CNTNAP5: variants seen among roughly 807,000 people sequenced by gnomAD.
CNTNAP5 encodes contactin associated protein family member 5, also known as contactin-associated protein-like 5.
A neutral mutation model predicts 150.2 loss-of-function variants in CNTNAP5; 72 were observed. The ratio of observed to expected loss-of-function variants is 0.48; its 90% CI spans 0.40 to 0.58. The LOEUF (loss-of-function observed/expected upper bound fraction) is 0.58, where lower values mean the gene tolerates loss of function less well. Among genes scored for constraint, CNTNAP5 ranks in the 20% least tolerant of loss-of-function variants. The pLI, the probability that CNTNAP5 is intolerant of heterozygous loss-of-function variation, is 0.00. For missense variants in CNTNAP5, 1,636 were observed against 1,626.2 expected (o/e 1.01, Z -0.10); for synonymous variants, 672 against 619.8 (o/e 1.08, Z -1.25).
chr2:124,605,809 CAAA>C (rs36090348), intron 11 of CNTNAP5, among the ~76,000 whole-genome samples: 1 of 34,430 alleles, frequency 2.9e-5, no homozygotes, highest in African/African-American at 1.4e-4. Flanking sequence ...AAGACTCTGT[CAAA>C]AAAAAAAAAA....
At chr2:124,328,338 G>A (rs1419625210) in intron 3 of CNTNAP5, among the ~76,000 whole-genome samples, 4 of 152,166 alleles carry the variant, frequency 2.6e-5, no homozygotes, top group Non-Finnish European at 4.4e-5. Context: ...CCATGCATGA[G>A]GCAGTGGGTT....
At chr2:124,763,863 C>T in intron 15 of CNTNAP5, 64 bp downstream of exon 15, 1 of 1,606,626 alleles carries the variant, frequency 6.2e-7, no homozygotes, top group Non-Finnish European at 8.5e-7. Flanking sequence ...TTCTTACTCC[C>T]TTATCCCTTT....
intron 1 of CNTNAP5, among the ~76,000 whole-genome samples, chr2:124,029,007 AATAAGT>A (rs1680969933): frequency 6.6e-6 from 1 of 152,168 alleles, no homozygotes; most frequent in South Asian, 2.1e-4. Flanking sequence ...TATTTTTAAC[AATAAGT>A]ATAAGTTGTG....
chr2:124,419,161 A>AAAAAAAAAAAAAAAAAC (rs1573982344), intron 4 of CNTNAP5, among the ~76,000 whole-genome samples: 1 of 147,682 alleles, frequency 6.8e-6, no homozygotes, highest in Non-Finnish European at 1.5e-5. Context: ...AAAAAAAAAA[A>AAAAAAAAAAAAAAAAAC]AACAGTATGA....
chr2:124,510,694 A>G (rs1399487746), intron 8 of CNTNAP5, among the ~76,000 whole-genome samples: 3 of 151,852 alleles, frequency 2.0e-5, no homozygotes, highest in Non-Finnish European at 4.4e-5. Context: ...GTCTACTTCT[A>G]AGAACATTGC....
chr2:124,868,855 G>T (rs770704219), intron 20 of CNTNAP5, among the ~76,000 whole-genome samples: 2 of 152,086 alleles, frequency 1.3e-5, no homozygotes, highest in Non-Finnish European at 2.9e-5. Context: ...AAAATAATGA[G>T]GACTCTTTCT....
chr2:124,210,151 C>T (rs1685969136), intron 1 of CNTNAP5, among the ~76,000 whole-genome samples: 1 of 152,156 alleles, frequency 6.6e-6, no homozygotes, highest in South Asian at 2.1e-4. Context: ...GCTCACCTGT[C>T]TTTGGGTAAT....
intron 17 of CNTNAP5, among the ~76,000 whole-genome samples, chr2:124,779,024 C>T (rs181245060): frequency 2.5e-3 from 379 of 152,250 alleles, no homozygotes; most frequent in South Asian, 7.7e-3. Context: ...GCTCATCTTC[C>T]GTGTGTAGAG....
At chr2:124,605,318 G>A (rs1260776671) in intron 11 of CNTNAP5, among the ~76,000 whole-genome samples, 1 of 152,186 alleles carries the variant, frequency 6.6e-6, no homozygotes, top group East Asian at 1.9e-4. Flanking sequence ...AAGAACTGAT[G>A]CACTGAGGAT....
chr2:124,270,086 C>T (rs1349168996), intron 3 of CNTNAP5, among the ~76,000 whole-genome samples: 4 of 151,988 alleles, frequency 2.6e-5, no homozygotes, highest in South Asian at 2.1e-4. Flanking sequence ...GAGGCCGAGG[C>T]GGGTGGATCA....
intron 12 of CNTNAP5, among the ~76,000 whole-genome samples, chr2:124,626,987 T>G (rs1192390430): frequency 6.6e-6 from 1 of 152,174 alleles, no homozygotes; most frequent in Non-Finnish European, 1.5e-5. Context: ...TGGCAGATCA[T>G]GGCTAGATGG....
intron 21 of CNTNAP5, among the ~76,000 whole-genome samples, chr2:124,883,997 A>C (rs1298243966): frequency 2.0e-5 from 3 of 152,104 alleles, no homozygotes; most frequent in Non-Finnish European, 4.4e-5. Context: ...ATACATGTAC[A>C]TGCATGCCCA....
At chr2:124,587,534 T>C (rs781699513) in intron 11 of CNTNAP5, among the ~76,000 whole-genome samples, 1 of 152,188 alleles carries the variant, frequency 6.6e-6, no homozygotes, top group Non-Finnish European at 1.5e-5. Flanking sequence ...TCTGCCAAAC[T>C]TAGGTCTCTT....
intron 3 of CNTNAP5, among the ~76,000 whole-genome samples, chr2:124,390,166 C>T (rs975200616): frequency 6.6e-6 from 1 of 151,996 alleles, no homozygotes; most frequent in African/African-American, 2.4e-5. Context: ...AGGGCTAGAC[C>T]CTCTCCCTGG....
At chr2:124,357,605 T>A (rs571683553) in intron 3 of CNTNAP5, among the ~76,000 whole-genome samples, 11,518 of 147,318 alleles carry the variant, frequency 0.078, 518 homozygotes, top group Non-Finnish European at 0.093. Flanking sequence ...TTGTCAAAGA[T>A]CAGATAGTTG....
intron 1 of CNTNAP5, among the ~76,000 whole-genome samples, chr2:124,062,250 A>G (rs1682029241): frequency 6.6e-6 from 1 of 152,158 alleles, no homozygotes; most frequent in East Asian, 1.9e-4. Flanking sequence ...TGCTCCTATT[A>G]TTATAACCAT....
intron 1 of CNTNAP5, among the ~76,000 whole-genome samples, chr2:124,070,519 G>A (rs1331215969): frequency 6.6e-6 from 1 of 151,410 alleles, no homozygotes; most frequent in Non-Finnish European, 1.5e-5. Flanking sequence ...TATGCTAATG[G>A]AAACCAATAA....
intron 3 of CNTNAP5, among the ~76,000 whole-genome samples, chr2:124,377,722 T>A (rs61689974): frequency 8.6e-5 from 13 of 151,188 alleles, no homozygotes; most frequent in African/African-American, 1.2e-4. Flanking sequence ...CTTTTTTTTT[T>A]ATGGATAATA....
At chr2:124,503,729 A>G (rs918300851) in intron 7 of CNTNAP5, among the ~76,000 whole-genome samples, 2 of 152,070 alleles carry the variant, frequency 1.3e-5, no homozygotes, top group Admixed American at 1.3e-4. Flanking sequence ...CCCACGAACT[A>G]CTTAGAAATG....
Sources: allele counts gnomAD v4.1 joint callset (sites outside exome capture counted in the v4.1 genomes callset), GRCh38; gene constraint gnomAD v4.1.1; transcripts MANE v1.5; gene names NCBI Gene and HGNC (gene_info 2026-07-23, HGNC 2026-07-21).